Variants in UGT1A6 observed in about 807,000 individuals in gnomAD.
The protein encoded by UGT1A6 is UDP-glucuronosyltransferase 1A6.
Under a neutral mutation model 44.4 loss-of-function variants are expected in UGT1A6, and 32 were observed. The observed-to-expected ratio is 0.72, with a 90% confidence interval of 0.54 to 0.97. UGT1A6 has a LOEUF of 0.97. Among genes scored for constraint, UGT1A6 ranks in the 50% least tolerant of loss-of-function variants. The pLI is 0.00. For synonymous variants in UGT1A6, 238 were observed against 248.5 expected (o/e 0.96, Z 0.40); for missense variants, 685 against 661.9 (o/e 1.03, Z -0.38).
intron 1 of UGT1A6, among the ~76,000 whole-genome samples, chr2:233,727,274 G>C (rs779419718): frequency 6.6e-6 from 1 of 152,104 alleles, no homozygotes; most frequent in Non-Finnish European, 1.5e-5. Context: ...CTCATCTCCA[G>C]ACCCTGGAAG....
chr2:233,747,678 C>T, intron 1 of UGT1A6: 3 of 1,607,090 alleles, frequency 1.9e-6, no homozygotes, highest in Admixed American at 1.7e-5. Context: ...CCCAATTTAC[C>T]TCTGTGGGGC....
In UGT1A6 at chr2:233,713,469, G is replaced by A. The variant is rs755500428; in HGVS notation, c.861+19604G>A. The A allele has an allele frequency of 2.5e-6, 4 of 1,614,076 alleles. No homozygotes were observed. The South Asian group carries it at 4.4e-5, about 18-fold the overall frequency. ...AGACCCCTTTCACCTCTGCGCGGCG[G>A]TGCTGGCTAAGTACCTGTCGATTCC... On this transcript the variant is annotated intron_variant, in intron 1 of 4. Transcript: ENST00000305139.
chr2:233,721,867 A>G (rs1329615455), intron 1 of UGT1A6: 1 of 503,090 alleles, frequency 2.0e-6, no homozygotes, highest in African/African-American at 1.9e-5. Context: ...GGCCCTGGGC[A>G]CACTTGCCAG....
chr2:233,712,379 T>C (rs1343800513), intron 1 of UGT1A6, among the ~76,000 whole-genome samples: 12 of 152,190 alleles, frequency 7.9e-5, no homozygotes, highest in African/African-American at 2.9e-4. Flanking sequence ...TTTTTTATAT[T>C]GACAGCCACT....
chr2:233,762,094 T>A (rs1389988044), intron 1 of UGT1A6, among the ~76,000 whole-genome samples: 1 of 152,214 alleles, frequency 6.6e-6, no homozygotes, highest in African/African-American at 2.4e-5. Context: ...CTTAGATAGT[T>A]GTTGATTGTC....
rs764952775 is a variant in UGT1A6 at position 233,762,693 on chromosome 2, ATCTTT to A, written c.862-4336_862-4332del. Reference sequence around the variant, plus strand: ...CATTTGTTCTGTTTCTTTCTCATTCATCTTTTCTTAAGTATTTTACACGGTTTTTT... The same window carrying A: ...CATTTGTTCTGTTTCTTTCTCATTCATCTTAAGTATTTTACACGGTTTTTT... On this transcript the variant is annotated intron_variant, in intron 1 of 4. Coordinates refer to ENST00000305139, the MANE Select transcript of UGT1A6 (RefSeq NM_001072.4). Among the ~76,000 whole-genome samples, 18 of 148,206 alleles carry A rather than the reference ATCTTT, an allele frequency of 1.2e-4. No homozygotes were observed. In the East Asian group the frequency reaches 2.7e-3, roughly 23 times the overall value.
chr2:233,765,884 C>T (rs1054179790), intron 1 of UGT1A6, among the ~76,000 whole-genome samples: 2 of 152,082 alleles, frequency 1.3e-5, no homozygotes, highest in African/African-American at 4.8e-5. Context: ...CTCACTTTCT[C>T]AGTGCGCCAC....
chr2:233,717,696 G>A (rs1442424545), intron 1 of UGT1A6: 1 of 445,086 alleles, frequency 2.2e-6, no homozygotes, highest in Non-Finnish European at 4.6e-6. Context: ...GTGACTTTCT[G>A]GAGCAGGACG....
chr2:233,740,331 G>A (rs533064296), intron 1 of UGT1A6, among the ~76,000 whole-genome samples: 2 of 152,056 alleles, frequency 1.3e-5, no homozygotes, highest in Non-Finnish European at 2.9e-5. Flanking sequence ...CATTTATTGA[G>A]AAAGTTGATG....
At chr2:233,713,021 G>C (rs201536382) in intron 1 of UGT1A6, 1 of 1,613,716 alleles carries the variant, frequency 6.2e-7, no homozygotes, top group Non-Finnish European at 8.5e-7. Flanking sequence ...TTCCCCTGCC[G>C]CAGCTGGCCA....
intron 1 of UGT1A6, among the ~76,000 whole-genome samples, chr2:233,758,854 C>A (rs1032361524): frequency 6.6e-6 from 1 of 152,158 alleles, no homozygotes; most frequent in Admixed American, 6.5e-5. Context: ...CCAATTCTGG[C>A]TGCACAATAC....
At chr2:233,728,805 A>G (rs2077752028) in intron 1 of UGT1A6, among the ~76,000 whole-genome samples, 1 of 152,166 alleles carries the variant, frequency 6.6e-6, no homozygotes, top group Non-Finnish European at 1.5e-5. Context: ...GAAGTAGGAG[A>G]CAGTGACATG....
In UGT1A6 at chr2:233,769,479, G is replaced by A; in HGVS notation, c.1301+1040G>A. The A allele has an allele frequency of 6.2e-7, 1 of 1,611,314 alleles. No homozygotes were observed. The highest frequency in any genetic ancestry group is 8.5e-7 in the Non-Finnish European group (1 of 1,178,748). ...CATTCATATGCGTGTGTGTGTGTGT[G>A]CGTGTGTTTATGAGAGTGTCCATTG... is the stretch of plus-strand genomic sequence containing the variant. On this transcript the variant is annotated intron_variant, in intron 4 of 4. Coordinates refer to ENST00000305139, the MANE Select transcript of UGT1A6 (RefSeq NM_001072.4). This position sits in a 1 kb window ranked among gnomAD's most constrained non-coding sequence, Gnocchi z 4.4.
At chr2:233,730,895 C>G (rs909746979) in intron 1 of UGT1A6, among the ~76,000 whole-genome samples, 5 of 152,098 alleles carry the variant, frequency 3.3e-5, no homozygotes, top group African/African-American at 1.2e-4. Flanking sequence ...GGGATCTACT[C>G]CTTTACCAAA....
intron 1 of UGT1A6, among the ~76,000 whole-genome samples, chr2:233,695,066 C>T (rs575360718): frequency 6.6e-6 from 1 of 152,092 alleles, no homozygotes; most frequent in African/African-American, 2.4e-5. Flanking sequence ...TGTGCTATCG[C>T]ACTTTGGACT....
At chr2:233,729,623 C>T (rs142986334) in intron 1 of UGT1A6, 391 of 1,613,794 alleles carry the variant, frequency 2.4e-4, no homozygotes, top group Non-Finnish European at 3.1e-4. Context: ...AAGTACCTGT[C>T]GATTCCTACT....
intron 1 of UGT1A6, among the ~76,000 whole-genome samples, chr2:233,715,690 T>C (rs568505500): frequency 8.8e-4 from 134 of 152,264 alleles, no homozygotes; most frequent in African/African-American, 3.1e-3. Flanking sequence ...GAGGATCACT[T>C]GATCCCAGGA....
chr2:233,736,234 T>G (rs1035352456), intron 1 of UGT1A6, among the ~76,000 whole-genome samples: 1 of 152,188 alleles, frequency 6.6e-6, no homozygotes, highest in Admixed American at 6.5e-5. Context: ...TCTCTAACCT[T>G]GTCTTCTCAC....
In UGT1A6 at chr2:233,743,247, C is replaced by T. The variant is rs569147758; in HGVS notation, c.862-23787C>T. The T allele has an allele frequency of 9.0e-4, 388 of 431,248 alleles. 10 individuals are homozygous for T. The highest frequency in any genetic ancestry group is 7.4e-3 in the African/African-American group (352 of 47,686). 26.7% of individuals were successfully genotyped at this position (431,248 alleles called of 1,614,324 possible). ...CTATTTATTATGAAGGACTTTAACTCAACTCTCCATCTTCCTCCACTTCCA... is the reference window on the plus strand; with the variant it reads ...CTATTTATTATGAAGGACTTTAACTTAACTCTCCATCTTCCTCCACTTCCA... On this transcript the variant is annotated intron_variant, in intron 1 of 4. Transcript: ENST00000305139.
Sources: gnomAD v4.1 joint callset for allele counts (sites outside exome capture counted in the v4.1 genomes callset) on GRCh38, gnomAD v4.1.1 for gene constraint, Gnocchi (gnomAD v3.1) non-coding constraint, MANE v1.5 for transcripts, NCBI Gene and HGNC (gene_info 2026-07-23, HGNC 2026-07-21) for gene names.